The following FNDC3B variants were observed in gnomAD, a reference collection of about 807,000 sequenced individuals.
FNDC3B encodes fibronectin type III domain containing 3B, also known as fibronectin type III domain-containing protein 3B.
Under a neutral mutation model 151.5 loss-of-function variants are expected in FNDC3B, and 12 were observed. That is an observed-to-expected ratio of 0.08 (90% CI 0.05 to 0.13). The LOEUF (loss-of-function observed/expected upper bound fraction) is 0.13. Among genes scored for constraint, FNDC3B ranks in the 10% least tolerant of loss-of-function variants. The pLI is 1.00. For synonymous variants in FNDC3B, 528 were observed against 549.0 expected (o/e 0.96, Z 0.54); for missense variants, 1,214 against 1,505.3 (o/e 0.81, Z 3.20).
At chr3:172,288,817 A>C (rs7628246) in intron 7 of FNDC3B, among the ~76,000 whole-genome samples, 1 of 152,058 alleles carries the variant, frequency 6.6e-6, no homozygotes, top group Non-Finnish European at 1.5e-5. Context: ...CTTTGCCAAC[A>C]TGTGGGTGGT....
chr3:172,246,961 T>C (rs1453713610), intron 4 of FNDC3B, among the ~76,000 whole-genome samples: 1 of 152,206 alleles, frequency 6.6e-6, no homozygotes, highest in African/African-American at 2.4e-5. Context: ...ATCCATATCC[T>C]CAGTCCTAGA....
intron 12 of FNDC3B, chr3:172,329,365 T>C (rs910214889): frequency 2.4e-5 from 8 of 327,792 alleles, no homozygotes; most frequent in Non-Finnish European, 4.4e-5. Context: ...CTTGGAGCTT[T>C]AATTTTTTAG....
intron 11 of FNDC3B, among the ~76,000 whole-genome samples, chr3:172,328,123 A>G (rs1732453942): frequency 6.6e-6 from 1 of 152,208 alleles, no homozygotes; most frequent in Non-Finnish European, 1.5e-5. Context: ...AGACCCCACT[A>G]GAGTGTTTTA....
chr3:172,342,815 C>T (rs189901955), intron 17 of FNDC3B, among the ~76,000 whole-genome samples, 196 bp from the exon 18 acceptor site: 2 of 152,240 alleles, frequency 1.3e-5, no homozygotes, highest in East Asian at 3.9e-4. Flanking sequence ...AGTCTATAGC[C>T]ACCCTTAAAA....
intron 2 of FNDC3B, among the ~76,000 whole-genome samples, chr3:172,120,130 G>A (rs1013480298): frequency 3.9e-5 from 6 of 152,134 alleles, no homozygotes; most frequent in African/African-American, 1.2e-4. Context: ...TAGAACATAG[G>A]ACATATAATT....
chr3:172,265,588 C>T (rs1728887483), intron 6 of FNDC3B, among the ~76,000 whole-genome samples: 1 of 151,986 alleles, frequency 6.6e-6, no homozygotes, highest in Non-Finnish European at 1.5e-5. Context: ...ATAAACCATC[C>T]CCAGACAATT....
At chr3:172,225,502 G>T in intron 3 of FNDC3B, 1 of 219,622 alleles carries the variant, frequency 4.6e-6, no homozygotes, top group South Asian at 7.5e-5. Flanking sequence ...GTTTGTGGCT[G>T]GCCATAAAAA....
chr3:172,070,273 A>C (rs558125569), intron 1 of FNDC3B, among the ~76,000 whole-genome samples: 7 of 152,068 alleles, frequency 4.6e-5, no homozygotes, highest in Non-Finnish European at 8.8e-5. Context: ...TCTGGTGCTA[A>C]ACTGAGATCT....
At chr3:172,287,726 G>C (rs1445816403) in intron 7 of FNDC3B, among the ~76,000 whole-genome samples, 2 of 152,194 alleles carry the variant, frequency 1.3e-5, no homozygotes, top group African/African-American at 2.4e-5. Flanking sequence ...AGAAGTGACA[G>C]AATCTCTGTT....
chr3:172,269,291 C>G (rs929820161), intron 6 of FNDC3B, among the ~76,000 whole-genome samples: 6 of 151,888 alleles, frequency 4.0e-5, no homozygotes, highest in Non-Finnish European at 2.9e-5. Context: ...CCTAGGCTCT[C>G]TCTGTCATCC....
chr3:172,158,087 G>T (rs1003242784), intron 3 of FNDC3B, among the ~76,000 whole-genome samples: 12 of 152,132 alleles, frequency 7.9e-5, no homozygotes, highest in African/African-American at 2.7e-4. Context: ...GAATCTGCTG[G>T]TGCCTTGATC....
chr3:172,068,312 G>A (rs1387771067), intron 1 of FNDC3B, among the ~76,000 whole-genome samples: 2 of 152,034 alleles, frequency 1.3e-5, no homozygotes, highest in Non-Finnish European at 2.9e-5. Context: ...CTCGACCATG[G>A]CTCCCACTTT....
At chr3:172,093,713 A>G (rs1209355512) in intron 1 of FNDC3B, among the ~76,000 whole-genome samples, 1 of 152,192 alleles carries the variant, frequency 6.6e-6, no homozygotes, top group Non-Finnish European at 1.5e-5. Flanking sequence ...ATACACTGGT[A>G]TAGCCTTTAA....
chr3:172,270,517 C>G (rs942367494), intron 6 of FNDC3B, among the ~76,000 whole-genome samples: 4 of 152,194 alleles, frequency 2.6e-5, no homozygotes, highest in Non-Finnish European at 5.9e-5. Context: ...TTCTTTTATA[C>G]TTTGTATAGT....
chr3:172,042,387 G>C (rs146420561), intron 1 of FNDC3B, among the ~76,000 whole-genome samples: 6 of 152,246 alleles, frequency 3.9e-5, no homozygotes, highest in African/African-American at 1.2e-4. Flanking sequence ...TAACCTGGTA[G>C]CATTTGATGG....
intron 1 of FNDC3B, among the ~76,000 whole-genome samples, chr3:172,055,650 G>A (rs1317913516): frequency 5.3e-5 from 8 of 152,130 alleles, no homozygotes; most frequent in Non-Finnish European, 1.0e-4. Context: ...TGCCATTAAC[G>A]TTCTAGTTGC....
chr3:172,064,050 G>C (rs776375341), intron 1 of FNDC3B, among the ~76,000 whole-genome samples: 1 of 152,152 alleles, frequency 6.6e-6, no homozygotes, highest in Non-Finnish European at 1.5e-5. Context: ...GGCTGTGGCC[G>C]TGAGAAGATT....
intron 25 of FNDC3B, among the ~76,000 whole-genome samples, chr3:172,387,378 G>T (rs1470242375): frequency 6.6e-6 from 1 of 152,128 alleles, no homozygotes; most frequent in Non-Finnish European, 1.5e-5. Flanking sequence ...GATTATAGGC[G>T]TGAGCCACCA....
rs1256905785 is a variant in FNDC3B, at chr3:172,352,496, G to A, written c.2515-307G>A. On this transcript the variant is annotated intron_variant, in intron 21 of 25. Coordinates refer to ENST00000415807, the MANE Select transcript of FNDC3B (RefSeq NM_022763.4). The surrounding 1 kb of genome is among the most constrained non-coding windows in gnomAD (Gnocchi z 4.2). ...CCTACCATTTAAGATCTACCACAGG[G>A]GGTTATTATGAAGATCGTGTAAGAT... 1.3e-5 allele frequency among the ~76,000 whole-genome samples: 2 copies of A among 152,118 alleles called. No individual in the cohort carries two copies. The highest frequency in any genetic ancestry group is 2.9e-5 in the Non-Finnish European group (2 of 67,990).
Sources: gnomAD v4.1 joint callset for allele counts (sites outside exome capture counted in the v4.1 genomes callset) on GRCh38, gnomAD v4.1.1 for gene constraint, Gnocchi (gnomAD v3.1) non-coding constraint, MANE v1.5 for transcripts, NCBI Gene and HGNC (gene_info 2026-07-23, HGNC 2026-07-21) for gene names.